ZNF385D: variants seen among roughly 807,000 people sequenced by gnomAD.
ZNF385D encodes the protein zinc finger protein 385D.
A neutral mutation model predicts 35.8 loss-of-function variants in ZNF385D; 15 were observed. The observed-to-expected ratio is 0.42, with a 90% CI of 0.28 to 0.64. The LOEUF (loss-of-function observed/expected upper bound fraction) is 0.64. ZNF385D is among the 30% of genes least tolerant of loss of function. ZNF385D has a pLI of 0.23. For missense variants in ZNF385D, 474 were observed against 494.6 expected (o/e 0.96, Z 0.39); for synonymous variants, 212 against 186.8 (o/e 1.13, Z -1.10).
intron 3 of ZNF385D, among the ~76,000 whole-genome samples, chr3:21,797,912 T>C (rs2072224545): frequency 6.6e-6 from 1 of 152,130 alleles, no homozygotes; most frequent in Non-Finnish European, 1.5e-5. Flanking sequence ...CCCCATATAA[T>C]GCCATAACCA....
chr3:22,294,526 AGAT>A (rs1702469013), intron 2 of ZNF385D, among the ~76,000 whole-genome samples: 2 of 152,116 alleles, frequency 1.3e-5, no homozygotes, highest in African/African-American at 4.8e-5. Context: ...TATTTCCTTA[AGAT>A]GATAATGACT....
chr3:21,548,861 TC>T (rs1368698885), intron 3 of ZNF385D, among the ~76,000 whole-genome samples: 2 of 152,218 alleles, frequency 1.3e-5, no homozygotes, highest in Non-Finnish European at 2.9e-5. Flanking sequence ...CCTAGCTGTT[TC>T]AGTAGCCTAT....
intron 3 of ZNF385D, among the ~76,000 whole-genome samples, chr3:21,907,118 C>T (rs751153804): frequency 1.5e-4 from 23 of 152,160 alleles, no homozygotes; most frequent in Non-Finnish European, 2.8e-4. Context: ...TTTATTAGAA[C>T]TTACACCTCT....
intron 1 of ZNF385D, among the ~76,000 whole-genome samples, chr3:21,689,516 G>T (rs918089331): frequency 9.2e-5 from 14 of 152,164 alleles, no homozygotes; most frequent in African/African-American, 3.4e-4. Flanking sequence ...TGGAAATTCT[G>T]TGTAGACTCA....
intron 2 of ZNF385D, among the ~76,000 whole-genome samples, chr3:22,268,487 C>A (rs753688311): frequency 1.3e-5 from 2 of 151,920 alleles, no homozygotes; most frequent in Non-Finnish European, 2.9e-5. Flanking sequence ...ATAAATCTGG[C>A]TTTGCAGGTC....
At chr3:22,360,256 T>TA (rs938350653) in intron 2 of ZNF385D, among the ~76,000 whole-genome samples, 56 of 151,974 alleles carry the variant, frequency 3.7e-4, no homozygotes, top group African/African-American at 1.3e-3. Context: ...GCCTGGTACT[T>TA]ACGTTCTTTT....
chr3:21,445,158 A>G (rs1575158003), intron 4 of ZNF385D, among the ~76,000 whole-genome samples: 1 of 152,224 alleles, frequency 6.6e-6, no homozygotes, highest in African/African-American at 2.4e-5. Context: ...TTAACCTCAA[A>G]ATGGACCTTT....
chr3:21,928,229 C>T (rs891398782), intron 3 of ZNF385D, among the ~76,000 whole-genome samples: 13 of 139,454 alleles, frequency 9.3e-5, no homozygotes, highest in African/African-American at 3.0e-4. Context: ...GATGGACGGA[C>T]GGACAGACGG....
At position 22,126,250 on chromosome 3, in the gene ZNF385D, T is replaced by C. The variant is rs557577670; in HGVS notation, c.325+42567A>G. Among the ~76,000 whole-genome samples the C allele has an allele frequency of 2.0e-5, 3 of 151,230 alleles. No homozygotes were observed. In the East Asian group the frequency reaches 5.9e-4, roughly 30 times the overall value. The stretch of plus-strand genomic sequence containing the variant: ...CATATATTGAGCCATCCTTGATCCA[T>C]GCAATAAATCCCACATTGTGGGATT... On this transcript the variant is annotated intron_variant, in intron 3 of 5. Transcript: ENST00000494108.
chr3:21,735,081 C>T (rs986159521), intron 1 of ZNF385D, among the ~76,000 whole-genome samples: 1 of 150,006 alleles, frequency 6.7e-6, no homozygotes, highest in Non-Finnish European at 1.5e-5. Flanking sequence ...TTAGACTCTG[C>T]CGAGTGCAGA....
intron 2 of ZNF385D, among the ~76,000 whole-genome samples, chr3:22,317,003 A>G (rs920071772): frequency 3.0e-4 from 46 of 151,948 alleles, no homozygotes; most frequent in Middle Eastern, 6.9e-3. Context: ...GTCGGTGGGG[A>G]GCAGTGACTC....
chr3:21,870,782 T>C (rs1294307082), intron 3 of ZNF385D, among the ~76,000 whole-genome samples: 2 of 152,154 alleles, frequency 1.3e-5, no homozygotes, highest in Non-Finnish European at 2.9e-5. Context: ...TAGCATGTTC[T>C]AGCATACCAC....
chr3:21,826,748 G>A (rs564521695), intron 3 of ZNF385D, among the ~76,000 whole-genome samples: 2 of 150,752 alleles, frequency 1.3e-5, no homozygotes, highest in Admixed American at 1.3e-4. Flanking sequence ...GACAGCAGAA[G>A]GAAAGCTAGA....
Position 22,254,749 on chromosome 3 carries a change from G to A in ZNF385D, c.107-85714C>T, listed in dbSNP as rs73037216. Among the ~76,000 whole-genome samples, 123 of 151,692 alleles carry A rather than the reference G, an allele frequency of 8.1e-4. 1 individual carries two copies. Among genetic ancestry groups the A allele is most frequent in the African/African-American group, 2.7e-3 (113 of 41,432 alleles). On this transcript the variant is annotated intron_variant, in intron 2 of 5. Coordinates refer to the ZNF385D transcript ENST00000494108. ...ATAATATGCCAGCATTACTTCTGTCGGCATGTTAATAGTAACCCTTATTTT... is the reference window on the plus strand; with the variant it reads ...ATAATATGCCAGCATTACTTCTGTCAGCATGTTAATAGTAACCCTTATTTT...
intron 3 of ZNF385D, among the ~76,000 whole-genome samples, chr3:22,143,301 G>C (rs569621583): frequency 5.3e-4 from 81 of 152,124 alleles, no homozygotes; most frequent in Admixed American, 2.9e-3. Context: ...AGCCAGGATG[G>C]TCTTGATCGC....
chr3:21,759,625 C>T (rs550880323), intron 3 of ZNF385D, among the ~76,000 whole-genome samples: 1 of 152,218 alleles, frequency 6.6e-6, no homozygotes, highest in Admixed American at 6.5e-5. Flanking sequence ...AGATCTTATA[C>T]ACTTCAGAGG....
At chr3:22,247,326 A>C (rs1330857044) in intron 2 of ZNF385D, among the ~76,000 whole-genome samples, 1 of 152,154 alleles carries the variant, frequency 6.6e-6, no homozygotes, top group Non-Finnish European at 1.5e-5. Flanking sequence ...AAAATGGTAC[A>C]GTAGAAAGTG....
At chr3:21,996,140 G>T (rs747260020) in intron 3 of ZNF385D, among the ~76,000 whole-genome samples, 8 of 152,112 alleles carry the variant, frequency 5.3e-5, no homozygotes, top group Non-Finnish European at 7.4e-5. Flanking sequence ...TTGGGACTCA[G>T]CGTGTGTATG....
At chr3:21,810,780 C>T (rs1233458115) in intron 3 of ZNF385D, among the ~76,000 whole-genome samples, 1 of 151,866 alleles carries the variant, frequency 6.6e-6, no homozygotes. Context: ...GGAGACATCC[C>T]TACACAATAT....
Sources: gnomAD v4.1 joint callset for allele counts (sites outside exome capture counted in the v4.1 genomes callset) on GRCh38, gnomAD v4.1.1 for gene constraint, MANE v1.5 for transcripts, NCBI Gene and HGNC (gene_info 2026-07-23, HGNC 2026-07-21) for gene names.